Variants in ASH2L observed in about 807,000 individuals in gnomAD.
The protein encoded by ASH2L is ASH2 like, histone lysine methyltransferase complex subunit.
ASH2L carries 30 observed loss-of-function variants against 81.1 expected under a neutral mutation model. The observed-to-expected ratio is 0.37, with a 90% CI of 0.28 to 0.50. ASH2L has a LOEUF of 0.50. ASH2L is among the 20% of genes least tolerant of loss of function. ASH2L has a pLI of 0.95. For missense variants in ASH2L, 559 were observed against 792.1 expected, an observed-to-expected ratio of 0.71 and a Z score of 3.53; for synonymous variants, 273 against 279.9, an observed-to-expected ratio of 0.98 and a Z score of 0.24.
At chr8:38,111,383 G>A (rs1385023361) in intron 5 of ASH2L, among the ~76,000 whole-genome samples, 1 of 149,250 alleles carries the variant, frequency 6.7e-6, no homozygotes, top group Non-Finnish European at 1.5e-5. Flanking sequence ...GCCACTGCAC[G>A]TGGCCTCTTT....
intron 10 of ASH2L, among the ~76,000 whole-genome samples, chr8:38,127,757 A>G (rs1187620600): frequency 6.6e-6 from 1 of 150,808 alleles, no homozygotes; most frequent in African/African-American, 2.4e-5. Flanking sequence ...AAAAAAAAAA[A>G]AAAAGATAAG....
chr8:38,106,355 T>C, intron 1 of ASH2L, 23 bp from the exon 2 acceptor site: 4 of 1,611,170 alleles, frequency 2.5e-6, no homozygotes, highest in Non-Finnish European at 2.5e-6. Context: ...AATTCTTACT[T>C]GAGCGCTTTC....
chr8:38,127,747 A>G (rs1443193869), intron 10 of ASH2L, among the ~76,000 whole-genome samples: 1 of 150,668 alleles, frequency 6.6e-6, no homozygotes, highest in Admixed American at 6.6e-5. Context: ...TGTCTCAAAA[A>G]AAAAAAAAAA....
intron 13 of ASH2L, among the ~76,000 whole-genome samples, chr8:38,135,077 G>A (rs1343799264): frequency 6.6e-6 from 1 of 152,066 alleles, no homozygotes; most frequent in Non-Finnish European, 1.5e-5. Context: ...ATTTTGTAGA[G>A]ATGAGGTCTC....
At position 38,128,855 on chromosome 8, in the gene ASH2L, T is replaced by C. The variant is rs527669942; in HGVS notation, c.1431T>C (p.Ser477=). 36 of 1,614,050 alleles carry C rather than the reference T, an allele frequency of 2.2e-5. No individual in the cohort carries two copies. The highest frequency in any genetic ancestry group is 3.0e-5 in the Non-Finnish European group (35 of 1,180,038). ...ACCAGTCCATTGGCAAACACTACTCTTCTGGCTATGGACAGGGAGACGTCC... is the reference window on the plus strand; with the variant it reads ...ACCAGTCCATTGGCAAACACTACTCCTCTGGCTATGGACAGGGAGACGTCC... ...KFHQSIGKHY[S]SGYGQGDVLG... Residue 477 remains serine, a synonymous_variant, in exon 12 of 16, where the codon TCT becomes TCC. Transcript: ENST00000343823.
intron 3 of ASH2L, among the ~76,000 whole-genome samples, chr8:38,109,755 A>G (rs1321284420): frequency 1.3e-5 from 2 of 152,072 alleles, no homozygotes; most frequent in Admixed American, 1.3e-4. Flanking sequence ...TACATTTTTA[A>G]TTCATTTTTT....
In ASH2L at chr8:38,114,989, C is replaced by T; in HGVS notation, c.766C>T (p.Leu256Phe). The change falls in exon 7 of 16, where the codon CTT becomes TTT. Residue 256 changes from leucine to phenylalanine, a missense_variant. Leu to Phe is a conservative substitution (Grantham distance 22). This residue lies in a region of ASH2L where 318 missense variants were observed against 527.0 expected (regional missense o/e 0.60). Coordinates refer to ENST00000343823, the MANE Select transcript of ASH2L (RefSeq NM_004674.5). The part of the protein sequence containing the change: ...DPEEDYPKFG[L>F]LDQDLSNIGP... ...AGAAGAAGATTACCCCAAATTTGGACTTTTGGATCAGGTACATTAATATGT... is the reference window on the plus strand; with the variant it reads ...AGAAGAAGATTACCCCAAATTTGGATTTTTGGATCAGGTACATTAATATGT... 6.2e-7 allele frequency: 1 copy of T among 1,605,656 alleles called. No homozygotes were observed.
chr8:38,139,012 G>A lies in ASH2L; in HGVS notation c.1828G>A (p.Val610Ile), dbSNP rs781196190. The change falls in exon 16 of 16, where the codon GTC (valine) becomes ATC (isoleucine). Residue 610 changes from valine (V) to isoleucine (I), a missense_variant. By Grantham distance (29) the Val-to-Ile change is conservative. This residue lies in a region of ASH2L where 95 missense variants were observed against 130.7 expected (regional missense o/e 0.73). Coordinates refer to ENST00000343823, the MANE Select transcript of ASH2L (RefSeq NM_004674.5). ...GAVVEHTLAD[V>I]LYHVETEVDG... Reference sequence around the variant, plus strand: ...CGTGGTAGAGCACACCCTGGCTGACGTCTTGTATCACGTGGAGACAGAAGT... The same window carrying A: ...CGTGGTAGAGCACACCCTGGCTGACATCTTGTATCACGTGGAGACAGAAGT... 20 of 1,613,024 alleles carry A rather than the reference G, an allele frequency of 1.2e-5. No individual in the cohort carries two copies. The highest frequency in any genetic ancestry group is 8.8e-5 in the South Asian group (8 of 90,940).
chr8:38,111,317 G>T (rs924977409), intron 5 of ASH2L, among the ~76,000 whole-genome samples: 5 of 152,206 alleles, frequency 3.3e-5, no homozygotes, highest in African/African-American at 1.2e-4. Flanking sequence ...TTGACCTCCT[G>T]GGCTAAAGCA....
chr8:38,133,183 G>A (rs1802126030), intron 12 of ASH2L, among the ~76,000 whole-genome samples: 1 of 151,936 alleles, frequency 6.6e-6, no homozygotes, highest in Non-Finnish European at 1.5e-5. Context: ...CCACTTTTAT[G>A]GGTATTTTTA....
chr8:38,127,733 ACT>A (rs1222245950), intron 10 of ASH2L, among the ~76,000 whole-genome samples: 3 of 134,620 alleles, frequency 2.2e-5, no homozygotes, highest in East Asian at 2.2e-4. Context: ...ACAGAACAAG[ACT>A]CTGTCTCAAA....
At chr8:38,119,127 T>G in intron 8 of ASH2L, 143 bp from the exon 9 acceptor site, 1 of 705,824 alleles carries the variant, frequency 1.4e-6, no homozygotes, top group African/African-American at 1.9e-5. Context: ...AAAACTAGGG[T>G]GAAATCCAAT....
At chr8:38,110,917 C>T in intron 5 of ASH2L, 84 bp downstream of exon 5, 1 of 1,153,300 alleles carries the variant, frequency 8.7e-7, no homozygotes, top group South Asian at 1.3e-5. Flanking sequence ...GTACTTTCTT[C>T]CCAGTTTTTA....
At position 38,139,049 on chromosome 8, in the gene ASH2L, G is replaced by T. The variant is rs372077004; in HGVS notation, c.1865G>T (p.Arg622Leu). The part of the protein sequence containing the change: ...YHVETEVDGR[R>L]SPPWEP Reference sequence around the variant, plus strand: ...GTGGAGACAGAAGTGGATGGGAGGCGCAGTCCCCCATGGGAACCCTGACCA... The same window carrying T: ...GTGGAGACAGAAGTGGATGGGAGGCTCAGTCCCCCATGGGAACCCTGACCA... Residue 622 changes from arginine to leucine, a missense_variant, in exon 16 of 16, where the codon CGC becomes CTC. By Grantham distance (102) the Arg-to-Leu change is moderately radical. Transcript: ENST00000343823. 1 of 1,600,122 alleles carries T rather than the reference G, an allele frequency of 6.2e-7. No homozygotes were observed. Among genetic ancestry groups the T allele is most frequent in the Admixed American group, 1.8e-5 (1 of 56,358 alleles).
At chr8:38,122,602 ATG>A (rs1801676338) in intron 10 of ASH2L, 1 of 152,152 alleles carries the variant, frequency 6.6e-6, no homozygotes, top group African/African-American at 2.4e-5. Flanking sequence ...GCATGTGTGT[ATG>A]TACAAACCTG....
chr8:38,116,606 C>G (rs1050014916), intron 7 of ASH2L, 44 bp from the exon 8 acceptor site: 1 of 1,458,432 alleles, frequency 6.9e-7, no homozygotes, highest in Non-Finnish European at 9.5e-7. Context: ...TCCAGATTGA[C>G]TGACTTACGT....
intron 12 of ASH2L, among the ~76,000 whole-genome samples, chr8:38,129,250 A>G (rs1342498854): frequency 6.6e-6 from 1 of 152,206 alleles, no homozygotes; most frequent in East Asian, 1.9e-4. Context: ...TGTTTAATTC[A>G]TTCTTTTGAT....
intron 13 of ASH2L, among the ~76,000 whole-genome samples, chr8:38,134,184 C>A (rs528077378): frequency 6.6e-6 from 1 of 152,118 alleles, no homozygotes; most frequent in African/African-American, 2.4e-5. Flanking sequence ...ACAAACACTG[C>A]GGAAGGCCGC....
intron 10 of ASH2L, among the ~76,000 whole-genome samples, chr8:38,121,857 GA>G (rs1031114944): frequency 2.0e-5 from 3 of 152,190 alleles, no homozygotes; most frequent in African/African-American, 7.2e-5. Flanking sequence ...TGGTTAAGGT[GA>G]TTCTGCTAGC....
Sources: allele counts gnomAD v4.1 joint callset (sites outside exome capture counted in the v4.1 genomes callset), GRCh38; gene constraint gnomAD v4.1.1; regional missense constraint gnomAD v4.1.1; transcripts MANE v1.5; gene names NCBI Gene and HGNC (gene_info 2026-07-23, HGNC 2026-07-21).